Variants in ZNF562 observed in about 807,000 individuals in gnomAD.
ZNF562 encodes zinc finger protein 562.
ZNF562 carries 13 observed loss-of-function variants against 17.5 expected under a neutral mutation model. The ratio of observed to expected loss-of-function variants is 0.74; its 90% CI spans 0.48 to 1.18. ZNF562 has a LOEUF of 1.18. ZNF562 is among the 50% of genes most tolerant of loss of function. The pLI is 0.00. For missense variants in ZNF562, 481 were observed against 498.5 expected (o/e 0.96, Z 0.33); for synonymous variants, 163 against 165.4 (o/e 0.99, Z 0.11).
chr19:9,670,630 T>C (rs910625708), intron 1 of ZNF562, among the ~76,000 whole-genome samples: 2 of 152,094 alleles, frequency 1.3e-5, no homozygotes, highest in Non-Finnish European at 2.9e-5. Context: ...GTGGATCTCA[T>C]GAGCATAGAG....
Position 9,656,659 on chromosome 19 carries a change from G to T in ZNF562, c.242-6C>A. The stretch of plus-strand genomic sequence containing the variant: ...AGTTAAGCAGAAAAAGAAATCTAAG[G>T]GTTTAGAGAAGAAATGTGTTAGTTT... On this transcript the variant is annotated splice_region_variant and splice_polypyrimidine_tract_variant and intron_variant, in intron 4 of 5. Coordinates refer to ENST00000453372, the MANE Select transcript of ZNF562 (RefSeq NM_001130031.2). 1 of 1,611,286 alleles carries T rather than the reference G, an allele frequency of 6.2e-7. No individual in the cohort carries two copies. The highest frequency in any genetic ancestry group is 8.5e-7 in the Non-Finnish European group (1 of 1,177,910).
chr19:9,669,775 C>CAA (rs2044112191), intron 1 of ZNF562, among the ~76,000 whole-genome samples: 1 of 149,210 alleles, frequency 6.7e-6, no homozygotes, highest in Non-Finnish European at 1.5e-5. Flanking sequence ...CACACACACA[C>CAA]AACCAGTCAG....
intron 4 of ZNF562, among the ~76,000 whole-genome samples, chr19:9,657,216 G>C: frequency 6.6e-6 from 1 of 151,480 alleles, no homozygotes; most frequent in Non-Finnish European, 1.5e-5. Context: ...ATCAGGAAAG[G>C]AAAGCAGGAA....
In ZNF562 at chr19:9,651,144, A is replaced by G. The variant is rs2074862009; in HGVS notation, c.*1805T>C. The G allele has an allele frequency of 6.6e-6, 1 of 152,188 alleles. No homozygotes were observed. The allele number at this position is 152,188 out of a possible 1,614,324, so 9.4% of individuals were successfully genotyped here. A position where few individuals can be genotyped will look rare whatever the true frequency, so the allele number is the denominator to read the frequency against. The stretch of plus-strand genomic sequence containing the variant: ...AACAAAAAAACTAAAAATGTGAAGC[A>G]GCTTTGAAACTGACAAATGAGTAGA... On this transcript the variant is annotated 3_prime_UTR_variant, in exon 6 of 6. Coordinates refer to ENST00000453372, the MANE Select transcript of ZNF562 (RefSeq NM_001130031.2).
In ZNF562 at chr19:9,648,619, A is replaced by G. The variant is rs1353421786; in HGVS notation, c.*4330T>C. 6.7e-6 allele frequency: 1 copy of G among 150,108 alleles called. No homozygotes were observed. The highest frequency in any genetic ancestry group is 6.7e-5 in the Admixed American group (1 of 14,946). 9.3% of individuals were successfully genotyped at this position (150,108 alleles called of 1,614,324 possible). On this transcript the variant is annotated 3_prime_UTR_variant, in exon 6 of 6. Transcript: ENST00000453372. ...CACCCAGCCTGACCACATTTGTTTTAGAAAAGCGCCTTTCCATGCATTCAC... is the reference window on the plus strand; with the variant it reads ...CACCCAGCCTGACCACATTTGTTTTGGAAAAGCGCCTTTCCATGCATTCAC...
rs534700395 is a variant in ZNF562, at chr19:9,643,960, C to A, written c.*8989G>T. 6.6e-6 allele frequency: 1 copy of A among 151,966 alleles called. No individual in the cohort carries two copies. The highest frequency in any genetic ancestry group is 1.9e-4 in the East Asian group (1 of 5,168). The allele number at this position is 151,966 out of a possible 1,614,324, so 9.4% of individuals were successfully genotyped here. A position where few individuals can be genotyped will look rare whatever the true frequency, so the allele number is the denominator to read the frequency against. ...TACATGCACATGCCACCACGCCCAGCTATATTTTTTTAGTTTTAGTAGATA... is the reference window on the plus strand; with the variant it reads ...TACATGCACATGCCACCACGCCCAGATATATTTTTTTAGTTTTAGTAGATA... On this transcript the variant is annotated 3_prime_UTR_variant, in exon 6 of 6. Transcript: ENST00000453372.
intron 5 of ZNF562, among the ~76,000 whole-genome samples, chr19:9,654,998 TGGG>T (rs1183181627): frequency 1.3e-5 from 2 of 152,160 alleles, no homozygotes; most frequent in African/African-American, 4.8e-5. Flanking sequence ...TTTTGATTGT[TGGG>T]GGTGGTTTGA....
At chr19:9,660,658 C>CTT (rs1323828956) in intron 2 of ZNF562, 62 bp downstream of exon 2, 23 of 1,566,588 alleles carry the variant, frequency 1.5e-5, no homozygotes, top group Non-Finnish European at 1.8e-5. Flanking sequence ...TCACTGGACT[C>CTT]TTATGTTGTG....
rs945850312 is a variant in ZNF562 at position 9,647,642 on chromosome 19, C to G, written c.*5307G>C. 1.3e-5 allele frequency: 2 copies of G among 152,046 alleles called. No homozygotes were observed. The highest frequency in any genetic ancestry group is 1.5e-5 in the Non-Finnish European group (1 of 68,016). 9.4% of individuals were successfully genotyped at this position (152,046 alleles called of 1,614,324 possible). On this transcript the variant is annotated 3_prime_UTR_variant, in exon 6 of 6. Transcript: ENST00000453372. ...ATGAGGCATGCAGATCACCTGAGGT[C>G]AGGAGTTTGAGACCAGCCTGGCCAA...
chr19:9,661,339 G>A (rs1256306179), intron 1 of ZNF562, among the ~76,000 whole-genome samples: 1 of 152,014 alleles, frequency 6.6e-6, no homozygotes, highest in Admixed American at 6.6e-5. Context: ...ATTATTTTGA[G>A]ACAGAGTCTC....
rs1392182170 is a variant in ZNF562 at position 9,669,571 on chromosome 19, T to C, written c.-131+5444A>G. Among the ~76,000 whole-genome samples, 3 of 152,038 alleles carry C rather than the reference T, an allele frequency of 2.0e-5. No individual in the cohort carries two copies. In the East Asian group the frequency reaches 5.8e-4, roughly 29 times the overall value. On this transcript the variant is annotated intron_variant, in intron 1 of 5. Coordinates refer to ENST00000453372, the MANE Select transcript of ZNF562 (RefSeq NM_001130031.2). Reference sequence around the variant, plus strand: ...CAGGTGTGGTGGCTCAGGCCTTTAATCCCAAAACTTGAGGCTGCGGTGGGA... The same window carrying C: ...CAGGTGTGGTGGCTCAGGCCTTTAACCCCAAAACTTGAGGCTGCGGTGGGA...
At chr19:9,654,475 T>G (rs184661306) in intron 5 of ZNF562, among the ~76,000 whole-genome samples, 83 of 152,122 alleles carry the variant, frequency 5.5e-4, no homozygotes, top group African/African-American at 1.9e-3. Context: ...TTTATTTTAT[T>G]TTATTTATTT....
rs1365909566 is a variant in ZNF562 at position 9,645,992 on chromosome 19, AAATT to A, written c.*6953_*6956del. On this transcript the variant is annotated 3_prime_UTR_variant, in exon 6 of 6. Coordinates refer to ENST00000453372, the MANE Select transcript of ZNF562 (RefSeq NM_001130031.2). Reference sequence around the variant, plus strand: ...AAAATTAGATGCTAGAAATTAATCCAAATTATTACTAATTAAATGTCAGGCACTA... The same window carrying A: ...AAAATTAGATGCTAGAAATTAATCCAATTACTAATTAAATGTCAGGCACTA... 1 of 152,208 alleles carries A rather than the reference AAATT, an allele frequency of 6.6e-6. No homozygotes were observed. The highest frequency in any genetic ancestry group is 1.9e-4 in the East Asian group (1 of 5,204). 9.4% of individuals were successfully genotyped at this position (152,208 alleles called of 1,614,324 possible).
In ZNF562 at chr19:9,652,833, G is replaced by T; in HGVS notation, c.*116C>A. On this transcript the variant is annotated 3_prime_UTR_variant, in exon 6 of 6. Coordinates refer to ENST00000453372, the MANE Select transcript of ZNF562 (RefSeq NM_001130031.2). ...GTGTGAATTCTTTCATGCATACTTA[G>T]GCATGAGGAAAGAGCAAATGCTTTC... is the stretch of plus-strand genomic sequence containing the variant. 1 of 897,548 alleles carries T rather than the reference G, an allele frequency of 1.1e-6. No homozygotes were observed. The highest frequency in any genetic ancestry group is 1.6e-6 in the Non-Finnish European group (1 of 611,654). 55.6% of individuals were successfully genotyped at this position (897,548 alleles called of 1,614,324 possible).
intron 1 of ZNF562, among the ~76,000 whole-genome samples, chr19:9,666,349 A>C (rs1463187176): frequency 1.3e-5 from 2 of 151,774 alleles, no homozygotes; most frequent in African/African-American, 2.4e-5. Flanking sequence ...AAAATTACAC[A>C]ATGGAACTTT....
chr19:9,659,941 A>G (rs1446244732), intron 2 of ZNF562, among the ~76,000 whole-genome samples: 1 of 61,590 alleles, frequency 1.6e-5, no homozygotes, highest in Non-Finnish European at 2.8e-5. Flanking sequence ...AAAAAAAAAA[A>G]AAAAAAAAAA....
intron 1 of ZNF562, among the ~76,000 whole-genome samples, chr19:9,670,263 A>T (rs1193609077): frequency 6.6e-6 from 1 of 152,016 alleles, no homozygotes; most frequent in Non-Finnish European, 1.5e-5. Flanking sequence ...AACAAAAAAA[A>T]CAGTATGGGG....
At chr19:9,660,088 CAAAAAAA>C (rs1175978470) in intron 2 of ZNF562, among the ~76,000 whole-genome samples, 9 of 48,278 alleles carry the variant, frequency 1.9e-4, no homozygotes, top group Non-Finnish European at 3.0e-4. Context: ...GACTCCATCT[CAAAAAAA>C]AAAAAAAAAA....
chr19:9,667,400 G>A (rs534510929), intron 1 of ZNF562, among the ~76,000 whole-genome samples: 10 of 152,134 alleles, frequency 6.6e-5, no homozygotes, highest in South Asian at 4.2e-4. Flanking sequence ...ACACACCCAC[G>A]TCCAACATCA....
Sources: gnomAD v4.1 joint callset for allele counts (sites outside exome capture counted in the v4.1 genomes callset) on GRCh38, gnomAD v4.1.1 for gene constraint, MANE v1.5 for transcripts, NCBI Gene and HGNC (gene_info 2026-07-23, HGNC 2026-07-21) for gene names.